The following TPP2 variants were observed in gnomAD, a reference collection of about 807,000 sequenced individuals.
TPP2 encodes the protein tripeptidyl-peptidase 2.
In TPP2, 34 loss-of-function variants were observed where a neutral mutation model predicts 155.9. The observed-to-expected ratio is 0.22, with a 90% CI of 0.17 to 0.29. The LOEUF (loss-of-function observed/expected upper bound fraction) is 0.29. TPP2 is among the 10% of genes least tolerant of loss of function. The pLI, the probability that TPP2 is intolerant of heterozygous loss-of-function variation, is 1.00. For synonymous variants in TPP2, 510 were observed against 529.4 expected (o/e 0.96, Z 0.50); for missense variants, 1,028 against 1,522.3 (o/e 0.68, Z 5.40).
chr13:102,609,922 G>A (rs2139427336), intron 2 of TPP2, among the ~76,000 whole-genome samples: 1 of 152,240 alleles, frequency 6.6e-6, no homozygotes, highest in South Asian at 2.1e-4. Context: ...GGTTGGTGAA[G>A]TTTGGGCAGG....
rs769383705 is a variant in TPP2, at chr13:102,604,778, T to G, written c.166-15T>G. ...TAAAATCTACCATTCATATTTTAATTTTCTTAATTTTCAGGTTACAACTGA... is the reference window on the plus strand; with the variant it reads ...TAAAATCTACCATTCATATTTTAATGTTCTTAATTTTCAGGTTACAACTGA... On this transcript the variant is annotated splice_polypyrimidine_tract_variant and intron_variant, in intron 1 of 29. Transcript: ENST00000376052. The G allele has an allele frequency of 1.3e-6, 2 of 1,599,448 alleles. No homozygotes were observed. Among genetic ancestry groups the G allele is most frequent in the East Asian group, 4.5e-5 (2 of 44,790 alleles).
chr13:102,668,392 G>A (rs1411640825), intron 27 of TPP2, among the ~76,000 whole-genome samples: 1 of 152,178 alleles, frequency 6.6e-6, no homozygotes, highest in Non-Finnish European at 1.5e-5. Flanking sequence ...TGATTGAAGA[G>A]TACAGATGTG....
chr13:102,617,298 C>G (rs1003858985), intron 4 of TPP2, among the ~76,000 whole-genome samples: 9 of 152,170 alleles, frequency 5.9e-5, no homozygotes, highest in Non-Finnish European at 1.0e-4. Context: ...TATTAGACCT[C>G]AAGGTCCTTG....
intron 24 of TPP2, chr13:102,655,008 G>GT (rs752759947): frequency 1.2e-5 from 6 of 509,670 alleles, no homozygotes; most frequent in Non-Finnish European, 2.3e-5. Flanking sequence ...CATGTTTCAC[G>GT]TGAGGCCTTT....
rs557739040 is a variant in TPP2, at chr13:102,625,105, G to A, written c.785-1907G>A. On this transcript the variant is annotated intron_variant, in intron 6 of 29. Transcript: ENST00000376052. ...AAATTCCTGACCTCGTGATCCACCC[G>A]CCTCGGCCTCCCAAAGTGCTGAGAT... Among the ~76,000 whole-genome samples, 9 of 147,730 alleles carry A rather than the reference G, an allele frequency of 6.1e-5. No individual in the cohort carries two copies. The East Asian group carries it at 1.4e-3, about 23-fold the overall frequency.
rs144879863 is a variant in TPP2 at position 102,674,461 on chromosome 13, A to G, written c.3550A>G (p.Thr1184Ala). 8 of 1,613,668 alleles carry G rather than the reference A, an allele frequency of 5.0e-6. No individual in the cohort carries two copies. Among genetic ancestry groups the G allele is most frequent in the South Asian group, 1.1e-5 (1 of 91,076 alleles). Residue 1184 changes from threonine to alanine, a missense_variant, in exon 28 of 30, where the codon ACT becomes GCT. Physicochemically the swap from Thr to Ala is moderately conservative, Grantham distance 58. Coordinates refer to ENST00000376052, the MANE Select transcript of TPP2 (RefSeq NM_001330588.2). ...DSLAETFWET[T>A]KWTDLFDNKV... ...TCTGGCAGAAACATTTTGGGAAACT[A>G]CTAAATGGACTGATCTCTTTGACAA...
chr13:102,626,911 A>G lies in TPP2; in HGVS notation c.785-101A>G, dbSNP rs1181209159. 4.9e-6 allele frequency: 6 copies of G among 1,227,074 alleles called. No homozygotes were observed. In the East Asian group the frequency reaches 1.3e-4, roughly 27 times the overall value. The allele number at this position is 1,227,074 out of a possible 1,614,324, so 76.0% of individuals were successfully genotyped here. A position where few individuals can be genotyped will look rare whatever the true frequency, so the allele number is the denominator to read the frequency against. ...TCTCCATGAACAGGGTAGCAGAGTA[A>G]TGTGTATTCTTTTTATCATGATTAA... On this transcript the variant is annotated intron_variant, in intron 6 of 29. Coordinates refer to ENST00000376052, the MANE Select transcript of TPP2 (RefSeq NM_001330588.2).
chr13:102,639,172 C>G (rs2139514617), intron 15 of TPP2, among the ~76,000 whole-genome samples: 1 of 152,278 alleles, frequency 6.6e-6, no homozygotes, highest in South Asian at 2.1e-4. Flanking sequence ...TACACTCTTT[C>G]ACTGTGAGCC....
At position 102,649,006 on chromosome 13, in the gene TPP2, G is replaced by T; in HGVS notation, c.2728G>T (p.Val910Phe). 3.7e-6 allele frequency: 6 copies of T among 1,613,780 alleles called. No individual in the cohort carries two copies. Among genetic ancestry groups the T allele is most frequent in the Non-Finnish European group, 5.1e-6 (6 of 1,179,884 alleles). The change falls in exon 22 of 30, where the codon GTT becomes TTT. Residue 910 changes from valine to phenylalanine, a missense_variant. By Grantham distance (50) the Val-to-Phe change is conservative (BLOSUM62 -1). Around this residue, in one of 7 missense-constraint regions of TPP2, gnomAD observed 179 missense variants for 274.7 expected, o/e 0.65. Transcript: ENST00000376052. ...LERLKDLPFIVSHRLSNTLSL... is the reference protein window; with the variant it reads ...LERLKDLPFIFSHRLSNTLSL... ...ACGCCTTAAAGACCTTCCATTTATT[G>T]TTTCTCATAGATTGTCTAATACCTT...
At chr13:102,673,121 C>T (rs1321331633) in intron 27 of TPP2, among the ~76,000 whole-genome samples, 3 of 152,140 alleles carry the variant, frequency 2.0e-5, no homozygotes, top group South Asian at 4.1e-4. Context: ...GTTTCAGCAG[C>T]GGCATTTTCT....
chr13:102,672,912 G>A (rs1003662650), intron 27 of TPP2, among the ~76,000 whole-genome samples: 1 of 152,224 alleles, frequency 6.6e-6, no homozygotes, highest in Non-Finnish European at 1.5e-5. Context: ...TTGAGGCACT[G>A]TGCTGAGAAG....
In TPP2 at chr13:102,633,929, CT is replaced by C. The variant is rs778763983; in HGVS notation, c.1245-19del. ...TTTAGCTTTCACCATCCTAAGCAAA[CT>C]TCAATGGCTTTCCATTTAGTGCTGA... On this transcript the variant is annotated intron_variant, in intron 10 of 29. Transcript: ENST00000376052. 2 of 1,613,634 alleles carry C rather than the reference CT, an allele frequency of 1.2e-6. No homozygotes were observed. Among genetic ancestry groups the C allele is most frequent in the South Asian group, 2.2e-5 (2 of 91,050 alleles).
At chr13:102,655,039 T>A (rs1347659765) in intron 24 of TPP2, 3 of 500,706 alleles carry the variant, frequency 6.0e-6, no homozygotes, top group Non-Finnish European at 1.2e-5. Flanking sequence ...TCTGGCCCCC[T>A]GACCTCAGAG....
At position 102,657,216 on chromosome 13, in the gene TPP2, T is replaced by G; in HGVS notation, c.3143+9T>G. 2 of 1,560,476 alleles carry G rather than the reference T, an allele frequency of 1.3e-6. No individual in the cohort carries two copies. The highest frequency in any genetic ancestry group is 1.7e-6 in the Non-Finnish European group (2 of 1,162,448). ...ATTCAGTGGATGACAAAGTAGGTTT[T>G]TAAATGTATTTTAATTCTTTAAATG... On this transcript the variant is annotated intron_variant, in intron 25 of 29. Transcript: ENST00000376052.
chr13:102,636,673 C>A (rs1409878138), intron 13 of TPP2, among the ~76,000 whole-genome samples: 2 of 152,212 alleles, frequency 1.3e-5, no homozygotes, highest in East Asian at 1.9e-4. Flanking sequence ...TATCAAATTT[C>A]TTTTCCACTT....
At position 102,628,491 on chromosome 13, in the gene TPP2, C is replaced by T. The variant is rs570150809; in HGVS notation, c.1016+567C>T. On this transcript the variant is annotated intron_variant, in intron 8 of 29. Coordinates refer to ENST00000376052, the MANE Select transcript of TPP2 (RefSeq NM_001330588.2). ...TGTTGGTTGCGTATGTTCACTAACT[C>T]GGTCAGTTTTCACATCTCCTCAATC... Among the ~76,000 whole-genome samples, 228 of 152,248 alleles carry T rather than the reference C, an allele frequency of 1.5e-3. 1 individual carries two copies. Among genetic ancestry groups the T allele is most frequent in the African/African-American group, 5.1e-3 (212 of 41,552 alleles).
chr13:102,640,728 G>A (rs887164404), intron 16 of TPP2, among the ~76,000 whole-genome samples: 1 of 128,530 alleles, frequency 7.8e-6, no homozygotes, highest in African/African-American at 3.1e-5. Context: ...TCGGCTCACT[G>A]CAACCTCCAC....
chr13:102,618,731 C>G lies in TPP2; in HGVS notation c.505C>G (p.Leu169Val). 1.4e-5 allele frequency: 22 copies of G among 1,613,258 alleles called. No individual in the cohort carries two copies. Among genetic ancestry groups the G allele is most frequent in the Non-Finnish European group, 1.9e-5 (22 of 1,179,590 alleles). The change falls in exon 5 of 30, where the codon CTA (leucine) becomes GTA (valine). Residue 169 changes from leucine to valine, a missense_variant. Leu to Val is a conservative substitution (Grantham distance 32). Transcript: ENST00000376052. Reference protein sequence around the residue: ...ANNGSSQANKLIKEELQSQVE... With the variant: ...ANNGSSQANKVIKEELQSQVE... ...TTTTCCAACTGACTAGGCAAATAAACTAATCAAGGAGGAACTTCAAAGTCA... is the reference window on the plus strand; with the variant it reads ...TTTTCCAACTGACTAGGCAAATAAAGTAATCAAGGAGGAACTTCAAAGTCA...
chr13:102,637,327 T>C, intron 14 of TPP2, 88 bp downstream of exon 14: 1 of 1,400,400 alleles, frequency 7.1e-7, no homozygotes, highest in Non-Finnish European at 9.5e-7. Context: ...TGCAATATAT[T>C]GCTTTCTTGC....
Sources: allele counts gnomAD v4.1 joint callset (sites outside exome capture counted in the v4.1 genomes callset), GRCh38; gene constraint gnomAD v4.1.1; regional missense constraint gnomAD v4.1.1; transcripts MANE v1.5; gene names NCBI Gene and HGNC (gene_info 2026-07-23, HGNC 2026-07-21).